Variants in NR3C1 observed in about 807,000 individuals in gnomAD.
NR3C1 encodes nuclear receptor subfamily 3 group C member 1.
NR3C1 carries 14 observed loss-of-function variants against 74.0 expected under a neutral mutation model. The observed-to-expected ratio is 0.19, with a 90% CI of 0.12 to 0.30. The LOEUF (loss-of-function observed/expected upper bound fraction) is 0.30, where lower values mean the gene tolerates loss of function less well. NR3C1 is among the 10% of genes least tolerant of loss of function. NR3C1 has a pLI of 1.00. For missense variants in NR3C1, 695 were observed against 909.8 expected (o/e 0.76, Z 3.04); for synonymous variants, 308 against 332.5 (o/e 0.93, Z 0.80).
intron 2 of NR3C1, among the ~76,000 whole-genome samples, chr5:143,317,382 T>C (rs572616687): frequency 1.9e-4 from 29 of 152,296 alleles, no homozygotes; most frequent in African/African-American, 7.0e-4. Flanking sequence ...AGGGCATCAT[T>C]ATCTGTAATA....
At chr5:143,347,309 T>A (rs931101053) in intron 2 of NR3C1, among the ~76,000 whole-genome samples, 12 of 152,100 alleles carry the variant, frequency 7.9e-5, no homozygotes, top group Admixed American at 7.2e-4. Context: ...GAAATTGGCA[T>A]TTCCTCCTTC....
rs143340494 is a variant in NR3C1 at position 143,413,386 on chromosome 5, T to A, written c.-13-12534A>T. Reference sequence around the variant, plus strand: ...ATGGAAGCTTGTAGACAACATTCATTAGGTCATTTTTTGGTGCATTTATAA... The same window carrying A: ...ATGGAAGCTTGTAGACAACATTCATAAGGTCATTTTTTGGTGCATTTATAA... On this transcript the variant is annotated intron_variant, in intron 1 of 8. Coordinates refer to the NR3C1 transcript ENST00000343796. Among the ~76,000 whole-genome samples the A allele has an allele frequency of 6.6e-3, 1,011 of 152,244 alleles. 7 individuals are homozygous for A. The highest frequency in any genetic ancestry group is 0.023 in the African/African-American group (956 of 41,528).
At chr5:143,433,462 A>ATATAATTTATTTATTTAAAT (rs1422510030) in intron 1 of NR3C1, among the ~76,000 whole-genome samples, 361 of 146,252 alleles carry the variant, frequency 2.5e-3, no homozygotes, top group South Asian at 3.6e-3. Flanking sequence ...TTATATATAT[A>ATATAATTTATTTATTTAAAT]TATATATATT....
intron 4 of NR3C1, among the ~76,000 whole-genome samples, chr5:143,301,447 G>C (rs774734506): frequency 1.3e-5 from 2 of 152,056 alleles, no homozygotes; most frequent in South Asian, 4.1e-4. Context: ...AATTATAAGT[G>C]GGAAATTTCC....
chr5:143,385,124 T>C (rs187484296), intron 2 of NR3C1, among the ~76,000 whole-genome samples: 11 of 152,338 alleles, frequency 7.2e-5, no homozygotes, highest in Middle Eastern at 3.4e-3. Flanking sequence ...GATTATCTCC[T>C]GGCCCCTTTT....
intron 7 of NR3C1, chr5:143,294,234 C>A (rs1816619653): frequency 1.0e-6 from 1 of 984,754 alleles, no homozygotes; most frequent in Non-Finnish European, 1.2e-6. Context: ...AACTATGAAA[C>A]CACAGTTACT....
At chr5:143,295,181 AAAGG>A (rs1414480555) in intron 7 of NR3C1, 4 of 985,272 alleles carry the variant, frequency 4.1e-6, no homozygotes, top group Non-Finnish European at 4.8e-6. Context: ...ATCAAAGATC[AAAGG>A]AAGGAAGGAG....
chr5:143,402,394 A>G (rs747846956), intron 1 of NR3C1, among the ~76,000 whole-genome samples: 7 of 152,234 alleles, frequency 4.6e-5, no homozygotes, highest in Non-Finnish European at 8.8e-5. Context: ...CAAGGTTGCA[A>G]TTATCAAGTC....
At chr5:143,369,244 G>A (rs766247489) in intron 2 of NR3C1, among the ~76,000 whole-genome samples, 3 of 152,220 alleles carry the variant, frequency 2.0e-5, no homozygotes, top group Non-Finnish European at 4.4e-5. Flanking sequence ...CATTGCTGAT[G>A]GGAGTGTAAA....
At chr5:143,343,674 G>C (rs1828667400) in intron 2 of NR3C1, among the ~76,000 whole-genome samples, 1 of 152,090 alleles carries the variant, frequency 6.6e-6, no homozygotes, top group Non-Finnish European at 1.5e-5. Flanking sequence ...TTTCTTACAA[G>C]TTGCAATATT....
chr5:143,417,852 T>G (rs1750993759), intron 1 of NR3C1, among the ~76,000 whole-genome samples: 1 of 152,212 alleles, frequency 6.6e-6, no homozygotes, highest in Non-Finnish European at 1.5e-5. Flanking sequence ...CTCTCCCAGC[T>G]TTGAGGTCCT....
chr5:143,361,069 TAG>T (rs1002009068), intron 2 of NR3C1, among the ~76,000 whole-genome samples: 3 of 152,242 alleles, frequency 2.0e-5, no homozygotes, highest in Non-Finnish European at 4.4e-5. Context: ...TGTCAACAAC[TAG>T]AGAGTCTACT....
chr5:143,372,971 A>C (rs1476916273), intron 2 of NR3C1, among the ~76,000 whole-genome samples: 1 of 152,212 alleles, frequency 6.6e-6, no homozygotes, highest in African/African-American at 2.4e-5. Flanking sequence ...AACAAGCAAA[A>C]AATAAAAACA....
intron 1 of NR3C1, among the ~76,000 whole-genome samples, chr5:143,419,155 A>C (rs750478865): frequency 3.9e-5 from 6 of 152,194 alleles, no homozygotes; most frequent in Non-Finnish European, 8.8e-5. Context: ...AATATTTCAA[A>C]ATCTGAAAAT....
chr5:143,298,922 C>G, intron 5 of NR3C1, 110 bp from the exon 6 acceptor site: 1 of 1,094,882 alleles, frequency 9.1e-7, no homozygotes. Context: ...AAGGGCACCC[C>G]TAACAGAAAA....
At chr5:143,309,202 T>G (rs1330666248) in intron 4 of NR3C1, among the ~76,000 whole-genome samples, 2 of 151,704 alleles carry the variant, frequency 1.3e-5, no homozygotes, top group African/African-American at 2.4e-5. Context: ...GCCTCCTGAG[T>G]AGCTGGGACT....
At chr5:143,307,516 C>CAAAG (rs1819895818) in intron 4 of NR3C1, among the ~76,000 whole-genome samples, 1 of 152,058 alleles carries the variant, frequency 6.6e-6, no homozygotes, top group Admixed American at 6.5e-5. Flanking sequence ...CTTAAAACTC[C>CAAAG]AAAGATCTTA....
chr5:143,335,281 A>C (rs1002802888), intron 2 of NR3C1, among the ~76,000 whole-genome samples: 2 of 152,230 alleles, frequency 1.3e-5, no homozygotes, highest in Non-Finnish European at 2.9e-5. Context: ...CCCCACACTG[A>C]GGAAAACTCT....
chr5:143,330,263 AT>A (rs1825696978), intron 2 of NR3C1, among the ~76,000 whole-genome samples: 1 of 152,224 alleles, frequency 6.6e-6, no homozygotes, highest in East Asian at 1.9e-4. Flanking sequence ...ATTCTGCACA[AT>A]GTAAAAATTT....
Sources: allele counts gnomAD v4.1 joint callset (sites outside exome capture counted in the v4.1 genomes callset), GRCh38; gene constraint gnomAD v4.1.1; transcripts MANE v1.5; gene names NCBI Gene and HGNC (gene_info 2026-07-23, HGNC 2026-07-21).